DCAF6: variants seen among roughly 807,000 people sequenced by gnomAD.
DCAF6 encodes the protein DDB1 and CUL4 associated factor 6.
Under a neutral mutation model 125.1 loss-of-function variants are expected in DCAF6, and 54 were observed. The observed-to-expected ratio is 0.43, with a 90% CI of 0.35 to 0.54. DCAF6 has a LOEUF of 0.54. Ranked by LOEUF, DCAF6 falls within the 20% of genes least tolerant of loss-of-function variation. DCAF6 has a pLI of 0.01. For synonymous variants in DCAF6, 371 were observed against 390.4 expected (o/e 0.95, Z 0.58); for missense variants, 934 against 1,161.7 (o/e 0.80, Z 2.85).
rs185899866 is a variant in DCAF6 at position 167,943,815 on chromosome 1, C to T, written c.97+6807C>T. 5.3e-5 allele frequency among the ~76,000 whole-genome samples: 8 copies of T among 152,278 alleles called. No homozygotes were observed. In the East Asian group the frequency reaches 1.5e-3, roughly 29 times the overall value. ...CTAAGATAATGACCTCTAGTTCCAT[C>T]CACGTTGCTGTATATGTCATGATTT... On this transcript the variant is annotated intron_variant, in intron 1 of 21. Coordinates refer to ENST00000367840, the MANE Select transcript of DCAF6 (RefSeq NM_001198956.2).
At chr1:167,883,741 T>G in the DCAF6 span, 1 of 950,904 alleles carries the variant, frequency 1.1e-6, no homozygotes, top group African/African-American at 1.6e-5. Flanking sequence ...TCAGAATGGG[T>G]GAGGTACAAC....
intron 1 of DCAF6, among the ~76,000 whole-genome samples, chr1:167,937,635 T>TTCC (rs1184798291): frequency 6.6e-6 from 1 of 152,200 alleles, no homozygotes; most frequent in African/African-American, 2.4e-5. Flanking sequence ...CACGTTCCTC[T>TTCC]TCCCACCCCT....
At chr1:167,887,121 T>C in the DCAF6 span, among the ~76,000 whole-genome samples, 1 of 152,116 alleles carries the variant, frequency 6.6e-6, no homozygotes, top group Non-Finnish European at 1.5e-5. Flanking sequence ...GTTCAACCAT[T>C]GTGGAAGACA....
intron 2 of DCAF6, among the ~76,000 whole-genome samples, chr1:167,961,384 A>G (rs1308091646): frequency 6.6e-6 from 1 of 152,092 alleles, no homozygotes; most frequent in Non-Finnish European, 1.5e-5. Context: ...CTGGGACTAC[A>G]GGTGCCCACC....
chr1:167,953,728 A>G (rs1674342870), intron 2 of DCAF6, among the ~76,000 whole-genome samples: 1 of 151,986 alleles, frequency 6.6e-6, no homozygotes, highest in Non-Finnish European at 1.5e-5. Flanking sequence ...CCTCCCGAGT[A>G]GCTGGGATTA....
intron 17 of DCAF6, among the ~76,000 whole-genome samples, chr1:168,060,244 A>G (rs1291829312): frequency 3.9e-5 from 6 of 152,056 alleles, no homozygotes; most frequent in Admixed American, 2.6e-4. Flanking sequence ...ACATGGCATG[A>G]TCTTAGCTCA....
chr1:168,005,939 T>A (rs1683269986), intron 10 of DCAF6, among the ~76,000 whole-genome samples: 1 of 152,156 alleles, frequency 6.6e-6, no homozygotes. Flanking sequence ...AAAAATAAAA[T>A]ATTTTGGAAG....
At chr1:167,961,980 C>A (rs1217780738) in intron 2 of DCAF6, among the ~76,000 whole-genome samples, 1 of 152,084 alleles carries the variant, frequency 6.6e-6, no homozygotes, top group Non-Finnish European at 1.5e-5. Flanking sequence ...TTATTTTGAA[C>A]TTGTGTGTAT....
chr1:168,075,234 T>C lies in DCAF6; in HGVS notation c.2792-137T>C, dbSNP rs1418522203. The C allele has an allele frequency of 5.8e-6, 4 of 695,056 alleles. No individual in the cohort carries two copies. In the African/African-American group the frequency reaches 7.6e-5, roughly 13 times the overall value. The allele number at this position is 695,056 out of a possible 1,614,324, so 43.1% of individuals were successfully genotyped here. On this transcript the variant is annotated intron_variant, in intron 21 of 21. Transcript: ENST00000367840. ...ATAATACTGTGTTTTCTTTACTCTTTTATTTGCCTCTAAAGACATCCACAC... is the reference window on the plus strand; with the variant it reads ...ATAATACTGTGTTTTCTTTACTCTTCTATTTGCCTCTAAAGACATCCACAC...
intron 10 of DCAF6, among the ~76,000 whole-genome samples, chr1:168,011,454 G>A (rs1684275972): frequency 6.6e-6 from 1 of 152,148 alleles, no homozygotes; most frequent in South Asian, 2.1e-4. Context: ...TGGTCTGTGT[G>A]TGGATTCTTG....
intron 1 of DCAF6, among the ~76,000 whole-genome samples, chr1:167,939,221 G>A (rs527981808): frequency 2.0e-5 from 3 of 151,976 alleles, no homozygotes; most frequent in South Asian, 2.1e-4. Context: ...AATCCACATT[G>A]GTAATGTTTG....
upstream of DCAF6, among the ~76,000 whole-genome samples, chr1:167,933,838 T>C (rs1670983909): frequency 6.6e-6 from 1 of 152,230 alleles, no homozygotes; most frequent in Admixed American, 6.5e-5. Flanking sequence ...ATATCCTTAC[T>C]CTGTATGTTG....
chr1:168,070,174 C>T (rs111682768), intron 21 of DCAF6, among the ~76,000 whole-genome samples: 4,551 of 152,020 alleles, frequency 0.03, 200 homozygotes, highest in African/African-American at 0.1. Context: ...TTTCTTTTTG[C>T]CAGCAATCAA....
chr1:167,868,868 G>A, the DCAF6 span, among the ~76,000 whole-genome samples: 4 of 152,124 alleles, frequency 2.6e-5, no homozygotes, highest in South Asian at 2.1e-4. Context: ...TGAATCATAC[G>A]GTTGCAAGCT....
At chr1:167,994,163 A>G (rs1223940739) in intron 7 of DCAF6, among the ~76,000 whole-genome samples, 2 of 152,084 alleles carry the variant, frequency 1.3e-5, no homozygotes, top group Non-Finnish European at 2.9e-5. Flanking sequence ...TCTAAATACT[A>G]TTTCTAAAAC....
At position 168,021,630 on chromosome 1, in the gene DCAF6, C is replaced by T. The variant is rs546548807; in HGVS notation, c.1550-1358C>T. On this transcript the variant is annotated intron_variant, in intron 11 of 21. Transcript: ENST00000367840. Reference sequence around the variant, plus strand: ...AGTGATAAGTAAGGATAAGTAAAAGCTGTTATTCAAATAATGATCATGTTT... The same window carrying T: ...AGTGATAAGTAAGGATAAGTAAAAGTTGTTATTCAAATAATGATCATGTTT... Among the ~76,000 whole-genome samples, 18 of 152,186 alleles carry T rather than the reference C, an allele frequency of 1.2e-4. No homozygotes were observed. In the South Asian group the frequency reaches 3.7e-3, roughly 32 times the overall value.
chr1:167,985,184 C>CGTGTGTGTGTGTGT (rs33966059), intron 4 of DCAF6, among the ~76,000 whole-genome samples: 24 of 146,944 alleles, frequency 1.6e-4, no homozygotes, highest in African/African-American at 5.5e-4. Context: ...CAAACCACGT[C>CGTGTGTGTGTGTGT]GTGTGTGTGT....
chr1:167,865,844 T>C, the DCAF6 span, among the ~76,000 whole-genome samples: 2 of 152,194 alleles, frequency 1.3e-5, no homozygotes, highest in Non-Finnish European at 2.9e-5. Context: ...TCCACTAAAG[T>C]GGTCCTCCAG....
intron 10 of DCAF6, among the ~76,000 whole-genome samples, chr1:168,008,012 C>T (rs1317947422): frequency 6.9e-6 from 1 of 144,088 alleles, no homozygotes; most frequent in Non-Finnish European, 1.5e-5. Context: ...ACTCTGTCAC[C>T]CAGGCTGGAG....
Sources: gnomAD v4.1 joint callset for allele counts (sites outside exome capture counted in the v4.1 genomes callset) on GRCh38, gnomAD v4.1.1 for gene constraint, MANE v1.5 for transcripts, NCBI Gene and HGNC (gene_info 2026-07-23, HGNC 2026-07-21) for gene names.